XRCC4: variants seen among roughly 807,000 people sequenced by gnomAD.
XRCC4 encodes DNA repair protein XRCC4.
In XRCC4, 28 loss-of-function variants were observed where a neutral mutation model predicts 39.1. The ratio of observed to expected loss-of-function variants is 0.72; its 90% confidence interval spans 0.53 to 0.98. XRCC4 has a LOEUF of 0.98. Among genes scored for constraint, XRCC4 ranks in the 50% least tolerant of loss-of-function variants. The pLI, the probability that XRCC4 is intolerant of heterozygous loss-of-function variation, is 0.00. For missense variants in XRCC4, 350 were observed against 376.4 expected, an observed-to-expected ratio of 0.93 and a Z score of 0.58; for synonymous variants, 123 against 126.4, an observed-to-expected ratio of 0.97 and a Z score of 0.18.
intron 3 of XRCC4, among the ~76,000 whole-genome samples, chr5:83,127,569 A>T (rs923468299): frequency 4.0e-5 from 6 of 150,094 alleles, no homozygotes; most frequent in African/African-American, 1.5e-4. Context: ...GTTTTTTTTT[A>T]AATAAATTAC....
At chr5:83,309,518 T>C (rs1325300525) in intron 7 of XRCC4, among the ~76,000 whole-genome samples, 1 of 150,472 alleles carries the variant, frequency 6.6e-6, no homozygotes, top group Non-Finnish European at 1.5e-5. Flanking sequence ...TCCCAGCACT[T>C]TGGGAGGCCA....
At chr5:83,158,736 C>A (rs1749071579) in intron 3 of XRCC4, among the ~76,000 whole-genome samples, 1 of 151,960 alleles carries the variant, frequency 6.6e-6, no homozygotes, top group Non-Finnish European at 1.5e-5. Flanking sequence ...AGGAATGTTG[C>A]CCAGTTTTAC....
intron 7 of XRCC4, among the ~76,000 whole-genome samples, chr5:83,259,539 T>C (rs1753677909): frequency 6.6e-6 from 1 of 152,024 alleles, no homozygotes; most frequent in South Asian, 2.1e-4. Flanking sequence ...TCAATTAAAA[T>C]AACATTTCAC....
At chr5:83,302,345 G>A (rs191077178) in intron 7 of XRCC4, among the ~76,000 whole-genome samples, 194 of 152,234 alleles carry the variant, frequency 1.3e-3, no homozygotes, top group African/African-American at 4.5e-3. Context: ...GTAGGCACCC[G>A]AGGGAATCTC....
At position 83,150,309 on chromosome 5, in the gene XRCC4, C is replaced by T. The variant is rs181894418; in HGVS notation, c.315+39106C>T. On this transcript the variant is annotated intron_variant, in intron 3 of 7. Coordinates refer to ENST00000396027, the MANE Select transcript of XRCC4 (RefSeq NM_003401.5). Reference sequence around the variant, plus strand: ...TGGATATCCTTGAATTGCACACATTCGTAGCAGTGTCTCATAATGAAGTCA... The same window carrying T: ...TGGATATCCTTGAATTGCACACATTTGTAGCAGTGTCTCATAATGAAGTCA... Among the ~76,000 whole-genome samples the T allele has an allele frequency of 1.1e-4, 17 of 152,206 alleles. No homozygotes were observed. The East Asian group carries it at 2.9e-3, about 26-fold the overall frequency.
intron 4 of XRCC4, among the ~76,000 whole-genome samples, chr5:83,200,943 A>G (rs1195803856): frequency 6.6e-6 from 1 of 152,158 alleles, no homozygotes; most frequent in African/African-American, 2.4e-5. Flanking sequence ...ATAAACTATC[A>G]ATATTGCTAG....
chr5:83,269,024 C>T (rs920451436), intron 7 of XRCC4, among the ~76,000 whole-genome samples: 9 of 152,142 alleles, frequency 5.9e-5, no homozygotes, highest in Admixed American at 3.3e-4. Flanking sequence ...TTTATCTGTT[C>T]TCAACTGCTA....
intron 3 of XRCC4, among the ~76,000 whole-genome samples, chr5:83,145,514 A>G (rs1748409236): frequency 6.6e-6 from 1 of 152,218 alleles, no homozygotes; most frequent in Non-Finnish European, 1.5e-5. Context: ...CTGAAATTTC[A>G]GGTCAGTTCT....
intron 6 of XRCC4, among the ~76,000 whole-genome samples, chr5:83,233,757 C>G (rs913531028): frequency 6.0e-5 from 9 of 150,056 alleles, no homozygotes; most frequent in Non-Finnish European, 1.2e-4. Context: ...AAGCAATTAG[C>G]CAGGCATGGT....
At chr5:83,207,461 T>C (rs1041463424) in intron 6 of XRCC4, among the ~76,000 whole-genome samples, 24 of 152,100 alleles carry the variant, frequency 1.6e-4, no homozygotes, top group Non-Finnish European at 1.3e-4. Context: ...TCTATAGGTC[T>C]CTGTTTTTAT....
chr5:83,122,272 T>C (rs181532047), intron 3 of XRCC4, among the ~76,000 whole-genome samples: 1 of 152,312 alleles, frequency 6.6e-6, no homozygotes, highest in East Asian at 1.9e-4. Flanking sequence ...ATCTTAACCA[T>C]ATTAAGCCTT....
At chr5:83,269,833 T>G (rs1754076559) in intron 7 of XRCC4, among the ~76,000 whole-genome samples, 4 of 152,126 alleles carry the variant, frequency 2.6e-5, no homozygotes. Flanking sequence ...AGGGACTGGT[T>G]TTGTGGAAGA....
At chr5:83,150,597 A>G (rs1250747388) in intron 3 of XRCC4, among the ~76,000 whole-genome samples, 1 of 152,164 alleles carries the variant, frequency 6.6e-6, no homozygotes. Context: ...GGTGTTAACT[A>G]ATGACTGAGG....
chr5:83,253,005 G>C lies in XRCC4; in HGVS notation c.746-5525G>C, dbSNP rs1254255385. Among the ~76,000 whole-genome samples, 3 of 152,164 alleles carry C rather than the reference G, an allele frequency of 2.0e-5. No homozygotes were observed. In the East Asian group the frequency reaches 5.8e-4, roughly 29 times the overall value. ...TAACAATATAAGATTGTATGTATAA[G>C]ATGAGTGATTCAAACTGTAAGTCCT... On this transcript the variant is annotated intron_variant, in intron 6 of 7. Coordinates refer to ENST00000396027, the MANE Select transcript of XRCC4 (RefSeq NM_003401.5).
At chr5:83,348,209 CTTCTCACAG>C (rs1245238903) in intron 7 of XRCC4, among the ~76,000 whole-genome samples, 3 of 151,882 alleles carry the variant, frequency 2.0e-5, no homozygotes, top group Non-Finnish European at 4.4e-5. Context: ...TGGTGGCTGT[CTTCTCACAG>C]TTCCATTAGG....
downstream of XRCC4, among the ~76,000 whole-genome samples, chr5:83,354,902 TCTC>T (rs979936551): frequency 3.3e-5 from 5 of 152,166 alleles, no homozygotes; most frequent in African/African-American, 1.2e-4. Context: ...AATTTTCTAT[TCTC>T]CTACAATGAG....
chr5:83,219,631 G>A (rs1051923978), intron 6 of XRCC4, among the ~76,000 whole-genome samples: 1 of 152,122 alleles, frequency 6.6e-6, no homozygotes, highest in Non-Finnish European at 1.5e-5. Flanking sequence ...CAGTAAGGTT[G>A]CCACTAGCTA....
At chr5:83,196,810 G>A (rs553028540) in intron 4 of XRCC4, among the ~76,000 whole-genome samples, 69 of 151,818 alleles carry the variant, frequency 4.5e-4, no homozygotes, top group African/African-American at 1.7e-3. Flanking sequence ...CATGGGAACA[G>A]TTTATCCAAC....
chr5:83,145,078 G>A (rs1748387864), intron 3 of XRCC4, among the ~76,000 whole-genome samples: 1 of 152,088 alleles, frequency 6.6e-6, no homozygotes, highest in South Asian at 2.1e-4. Context: ...TGTATTTTTA[G>A]TAGAGACGTG....
Sources: allele counts gnomAD v4.1 joint callset (sites outside exome capture counted in the v4.1 genomes callset), GRCh38; gene constraint gnomAD v4.1.1; transcripts MANE v1.5; gene names NCBI Gene and HGNC (gene_info 2026-07-23, HGNC 2026-07-21).